USP10: variants seen among roughly 807,000 people sequenced by gnomAD.
The protein encoded by USP10 is ubiquitin specific peptidase 10.
A neutral mutation model predicts 84.5 loss-of-function variants in USP10; 22 were observed. The observed-to-expected ratio is 0.26, with a 90% confidence interval of 0.19 to 0.37. The LOEUF (loss-of-function observed/expected upper bound fraction) is 0.37, where lower values mean the gene tolerates loss of function less well. Ranked by LOEUF, USP10 falls within the 10% of genes least tolerant of loss-of-function variation. The pLI is 1.00. For missense variants in USP10, 1,019 were observed against 998.9 expected (o/e 1.02, Z -0.27); for synonymous variants, 454 against 387.6 (o/e 1.17, Z -2.01).
rs115288324 is a variant in USP10 at position 84,712,777 on chromosome 16, T to C, written c.21+12666T>C. On this transcript the variant is annotated intron_variant, in intron 1 of 13. Transcript: ENST00000219473. ...CAGTGCTCTCTTTACCTCTGTTGTG[T>C]AGTTTCTTGAATCCAGGTGACTGAC... Among the ~76,000 whole-genome samples the C allele has an allele frequency of 1.0e-2, 1,523 of 152,316 alleles. 20 individuals are homozygous for C. Among genetic ancestry groups the C allele is most frequent in the African/African-American group, 0.035 (1,437 of 41,558 alleles).
At chr16:84,722,309 T>C (rs1310235908) in intron 1 of USP10, among the ~76,000 whole-genome samples, 2 of 152,236 alleles carry the variant, frequency 1.3e-5, no homozygotes, top group African/African-American at 4.8e-5. Flanking sequence ...CCTTTGTGGA[T>C]GTCCCACAGT....
rs1341260431 is a variant in USP10, at chr16:84,719,011, C to T, written c.22-14424C>T. Among the ~76,000 whole-genome samples the T allele has an allele frequency of 7.2e-5, 11 of 151,930 alleles. 1 individual carries two copies. The highest frequency in any genetic ancestry group is 2.4e-4 in the African/African-American group (10 of 41,382). ...TTCACTATGTAGGTCAAGCTGGTCTCGAACTCCTGACCTCAAATGATCCAC... is the reference window on the plus strand; with the variant it reads ...TTCACTATGTAGGTCAAGCTGGTCTTGAACTCCTGACCTCAAATGATCCAC... On this transcript the variant is annotated intron_variant, in intron 1 of 13. Transcript: ENST00000219473.
At chr16:84,778,205 A>G (rs919971063) in intron 13 of USP10, among the ~76,000 whole-genome samples, 5 of 151,832 alleles carry the variant, frequency 3.3e-5, no homozygotes, top group Non-Finnish European at 1.5e-5. Context: ...GTGCCCCACC[A>G]CAGCTCCACG....
At chr16:84,778,858 C>G (rs1410093374) in intron 13 of USP10, 37 bp from the exon 14 acceptor site, 12 of 1,591,760 alleles carry the variant, frequency 7.5e-6, no homozygotes, top group Non-Finnish European at 1.0e-5. Flanking sequence ...GTGTGCAGTG[C>G]TGTTCTCACT....
At chr16:84,735,851 G>GC (rs1212318436) in intron 2 of USP10, among the ~76,000 whole-genome samples, 8 of 152,214 alleles carry the variant, frequency 5.3e-5, no homozygotes, top group Non-Finnish European at 8.8e-5. Context: ...AAAGGGAAAT[G>GC]CAGGCTAATT....
chr16:84,771,729 G>A (rs139583462), intron 11 of USP10, among the ~76,000 whole-genome samples: 4 of 151,996 alleles, frequency 2.6e-5, no homozygotes, highest in African/African-American at 7.2e-5. Context: ...TTAGCCAGAT[G>A]TGGTGGTGGG....
chr16:84,703,864 C>T (rs1283930728), intron 1 of USP10, among the ~76,000 whole-genome samples: 4 of 152,192 alleles, frequency 2.6e-5, no homozygotes, highest in Admixed American at 6.5e-5. Flanking sequence ...GAGAGCACAG[C>T]GCACTGAAAT....
chr16:84,707,144 C>T (rs960508654), intron 1 of USP10, among the ~76,000 whole-genome samples: 1 of 152,178 alleles, frequency 6.6e-6, no homozygotes, highest in East Asian at 1.9e-4. Context: ...GTTTTGACTT[C>T]TAAATCCTTT....
At chr16:84,705,216 C>G (rs1409549239) in intron 1 of USP10, among the ~76,000 whole-genome samples, 2 of 152,046 alleles carry the variant, frequency 1.3e-5, no homozygotes, top group Non-Finnish European at 2.9e-5. Flanking sequence ...GTCCCCACTC[C>G]TGTGCCTTGT....
intron 4 of USP10, among the ~76,000 whole-genome samples, chr16:84,746,225 C>A (rs755098149): frequency 5.9e-5 from 9 of 152,062 alleles, no homozygotes; most frequent in Non-Finnish European, 1.2e-4. Context: ...GCTAAGGCTC[C>A]AAAGTAGAAA....
chr16:84,759,940 C>G lies in USP10; in HGVS notation c.1444C>G (p.Arg482Gly), dbSNP rs757444995. ...TAATATGCCAGTACCTCCAAAACCC[C>G]GACAAGGTTAGTAAAAATGAGTTTT... ...FTNMPVPPKP[R>G]QALGDKIVRD... Residue 482 changes from arginine (R) to glycine (G), a missense_variant, in exon 7 of 14, where the codon CGA (arginine) becomes GGA (glycine). Physicochemically the swap from Arg to Gly is moderately radical, Grantham distance 125 (BLOSUM62 -2). This residue lies in a region of USP10 where 787 missense variants were observed against 708.8 expected (regional missense o/e 1.11). Transcript: ENST00000219473. The G allele has an allele frequency of 6.2e-7, 1 of 1,613,884 alleles. No individual in the cohort carries two copies. Among genetic ancestry groups the G allele is most frequent in the Admixed American group, 1.7e-5 (1 of 60,012 alleles).
chr16:84,766,928 C>G (rs1189817661), intron 10 of USP10, among the ~76,000 whole-genome samples: 1 of 152,090 alleles, frequency 6.6e-6, no homozygotes, highest in East Asian at 1.9e-4. Flanking sequence ...TTTTCAGTTT[C>G]CCCAGGAAGA....
chr16:84,764,318 T>C, intron 10 of USP10, 55 bp downstream of exon 10: 2 of 1,610,208 alleles, frequency 1.2e-6, no homozygotes, highest in South Asian at 2.2e-5. Flanking sequence ...TTTTGCCATG[T>C]TGGTGAAGGG....
intron 5 of USP10, 33 bp downstream of exon 5, chr16:84,758,840 C>A (rs62050884): frequency 1.3e-6 from 2 of 1,484,796 alleles, no homozygotes; most frequent in Non-Finnish European, 1.9e-6. Flanking sequence ...GCAAGGCCAG[C>A]TTGTTGCAGC....
chr16:84,712,680 A>T (rs1321933797), intron 1 of USP10, among the ~76,000 whole-genome samples: 1 of 152,184 alleles, frequency 6.6e-6, no homozygotes, highest in Non-Finnish European at 1.5e-5. Flanking sequence ...GCTGCTTCCC[A>T]CAGTATCACC....
At chr16:84,766,551 G>A (rs1012538127) in intron 10 of USP10, among the ~76,000 whole-genome samples, 2 of 152,244 alleles carry the variant, frequency 1.3e-5, no homozygotes, top group African/African-American at 4.8e-5. Flanking sequence ...AAAGATGAAT[G>A]GACAGCTCAA....
chr16:84,774,248 A>C (rs1914744335), intron 12 of USP10, among the ~76,000 whole-genome samples: 1 of 151,920 alleles, frequency 6.6e-6, no homozygotes, highest in African/African-American at 2.4e-5. Flanking sequence ...ATCTCAAAAA[A>C]ATAAATAAAT....
intron 9 of USP10, 117 bp from the exon 10 acceptor site, chr16:84,763,969 C>G: frequency 7.5e-7 from 1 of 1,324,672 alleles, no homozygotes; most frequent in Non-Finnish European, 1.0e-6. Context: ...GCCGTGGCTC[C>G]TAATGTAGAC....
At chr16:84,719,774 A>T (rs1907543465) in intron 1 of USP10, among the ~76,000 whole-genome samples, 1 of 152,246 alleles carries the variant, frequency 6.6e-6, no homozygotes, top group South Asian at 2.1e-4. Flanking sequence ...ATAATTAAAG[A>T]GTGGAATGCA....
Sources: allele counts gnomAD v4.1 joint callset (sites outside exome capture counted in the v4.1 genomes callset), GRCh38; gene constraint gnomAD v4.1.1; regional missense constraint gnomAD v4.1.1; transcripts MANE v1.5; gene names NCBI Gene and HGNC (gene_info 2026-07-23, HGNC 2026-07-21).